Variants in EXT1 observed in about 807,000 individuals in gnomAD.
EXT1 encodes the protein exostosin glycosyltransferase 1.
Under a neutral mutation model 82.5 loss-of-function variants are expected in EXT1, and 20 were observed. The ratio of observed to expected loss-of-function variants is 0.24; its 90% CI spans 0.17 to 0.35. EXT1 has a LOEUF of 0.35. Ranked by LOEUF, EXT1 falls within the 10% of genes least tolerant of loss-of-function variation. EXT1 has a pLI of 1.00. For missense variants in EXT1, 757 were observed against 936.5 expected, an observed-to-expected ratio of 0.81 and a Z score of 2.50; for synonymous variants, 348 against 350.8, an observed-to-expected ratio of 0.99 and a Z score of 0.09.
At chr8:117,903,058 C>T (rs953827066) in intron 1 of EXT1, among the ~76,000 whole-genome samples, 3 of 152,224 alleles carry the variant, frequency 2.0e-5, no homozygotes, top group African/African-American at 7.2e-5. Context: ...CATTCATTCA[C>T]TCCATCTGTA....
At chr8:118,074,639 G>C (rs544421572) in intron 1 of EXT1, among the ~76,000 whole-genome samples, 3 of 152,144 alleles carry the variant, frequency 2.0e-5, no homozygotes, top group Admixed American at 1.3e-4. Context: ...GGGGCTTTGG[G>C]ATCCGGCCAA....
At chr8:118,054,953 T>A (rs1816772690) in intron 1 of EXT1, among the ~76,000 whole-genome samples, 1 of 117,774 alleles carries the variant, frequency 8.5e-6, no homozygotes, top group South Asian at 2.6e-4. Context: ...ACTGTATGTA[T>A]ATGTATATAT....
chr8:118,064,363 G>A (rs1816938626), intron 1 of EXT1, among the ~76,000 whole-genome samples: 1 of 151,800 alleles, frequency 6.6e-6, no homozygotes, highest in Admixed American at 6.6e-5. Context: ...GGTGTATGAT[G>A]TGCCCCTCCC....
intron 1 of EXT1, among the ~76,000 whole-genome samples, chr8:117,845,748 T>C (rs1812347479): frequency 2.6e-5 from 4 of 151,994 alleles, no homozygotes; most frequent in South Asian, 4.2e-4. Context: ...CCACCATGCC[T>C]GGCCAGATAT....
intron 1 of EXT1, among the ~76,000 whole-genome samples, chr8:117,961,997 T>G (rs1814709601): frequency 6.6e-6 from 1 of 152,150 alleles, no homozygotes; most frequent in Non-Finnish European, 1.5e-5. Context: ...ACCTCATGTA[T>G]TAATTAAGAA....
intron 1 of EXT1, among the ~76,000 whole-genome samples, chr8:117,898,874 C>G (rs1452034910): frequency 6.6e-6 from 1 of 152,014 alleles, no homozygotes; most frequent in Non-Finnish European, 1.5e-5. Context: ...GAATATGACT[C>G]CAATCAGGTC....
At chr8:117,917,860 C>T (rs1370457093) in intron 1 of EXT1, among the ~76,000 whole-genome samples, 1 of 152,110 alleles carries the variant, frequency 6.6e-6, no homozygotes, top group Non-Finnish European at 1.5e-5. Context: ...CACTGCTGAC[C>T]ACCACTCACT....
chr8:117,845,052 AATTTATATT>A (rs2129812987), intron 1 of EXT1, among the ~76,000 whole-genome samples: 1 of 152,198 alleles, frequency 6.6e-6, no homozygotes, highest in African/African-American at 2.4e-5. Context: ...CAGGGCCAGG[AATTTATATT>A]CACCCTTTCA....
chr8:118,021,150 T>C lies in EXT1; in HGVS notation c.962+88935A>G, dbSNP rs117302197. 8.9e-4 allele frequency among the ~76,000 whole-genome samples: 135 copies of C among 152,322 alleles called. 1 individual carries two copies. The East Asian group carries it at 0.016, about 18-fold the overall frequency. On this transcript the variant is annotated intron_variant, in intron 1 of 10. Coordinates refer to ENST00000378204, the MANE Select transcript of EXT1 (RefSeq NM_000127.3). Reference sequence around the variant, plus strand: ...CAAATATGAACTCTTATTTAAAAAATTTTTAAAAGAGGGAGGCTTTAATTG... The same window carrying C: ...CAAATATGAACTCTTATTTAAAAAACTTTTAAAAGAGGGAGGCTTTAATTG...
Position 117,880,600 on chromosome 8 carries a change from T to TA in EXT1, c.963-43400_963-43399insT, listed in dbSNP as rs976499744. On this transcript the variant is annotated intron_variant, in intron 1 of 10. Coordinates refer to ENST00000378204, the MANE Select transcript of EXT1 (RefSeq NM_000127.3). The stretch of plus-strand genomic sequence containing the variant: ...TATGTTTTGCCTCTTTTTTCTTTTT[T>TA]TTTTTTTTGAGACAGAGTGTTGCTC... 4.0e-5 allele frequency among the ~76,000 whole-genome samples: 6 copies of TA among 149,918 alleles called. No homozygotes were observed. The East Asian group carries it at 9.6e-4, about 24-fold the overall frequency.
intron 1 of EXT1, among the ~76,000 whole-genome samples, chr8:117,923,125 G>C (rs1353786281): frequency 3.3e-5 from 5 of 152,098 alleles, no homozygotes; most frequent in African/African-American, 1.2e-4. Context: ...AGGAGTTCGA[G>C]ACCAGCCTCG....
chr8:118,092,703 T>C (rs576560388), intron 1 of EXT1, among the ~76,000 whole-genome samples: 21 of 152,188 alleles, frequency 1.4e-4, no homozygotes, highest in Non-Finnish European at 2.5e-4. Flanking sequence ...AACTCTTAGA[T>C]TACCATCTCA....
At chr8:117,891,905 C>A (rs1372558167) in intron 1 of EXT1, among the ~76,000 whole-genome samples, 1 of 146,296 alleles carries the variant, frequency 6.8e-6, no homozygotes, top group Non-Finnish European at 1.5e-5. Flanking sequence ...CTCCCGGGTT[C>A]AAGCGATTCT....
chr8:118,096,589 C>T (rs969310883), intron 1 of EXT1, among the ~76,000 whole-genome samples: 2 of 139,442 alleles, frequency 1.4e-5, no homozygotes, highest in Non-Finnish European at 3.0e-5. Context: ...AGCAAGACTC[C>T]GTCAAGAAAG....
At chr8:117,898,682 T>C (rs958521922) in intron 1 of EXT1, among the ~76,000 whole-genome samples, 3 of 152,184 alleles carry the variant, frequency 2.0e-5, no homozygotes, top group African/African-American at 7.2e-5. Context: ...GTGACTGGCC[T>C]TGCCAGGCAG....
Position 117,952,539 on chromosome 8 carries a change from G to A in EXT1, c.963-115338C>T, listed in dbSNP as rs1398470815. Among the ~76,000 whole-genome samples the A allele has an allele frequency of 2.6e-5, 4 of 152,132 alleles. No homozygotes were observed. In the East Asian group the frequency reaches 7.7e-4, roughly 29 times the overall value. On this transcript the variant is annotated intron_variant, in intron 1 of 10. Transcript: ENST00000378204. ...TCCCAGCACTTTGGGAGGCCAAGGT[G>A]GGCAGATCACTTGAGGTCAAGAGTA... is the stretch of plus-strand genomic sequence containing the variant.
chr8:117,911,928 C>A (rs1361308493), intron 1 of EXT1, among the ~76,000 whole-genome samples: 3 of 152,148 alleles, frequency 2.0e-5, no homozygotes, highest in Non-Finnish European at 4.4e-5. Flanking sequence ...TATGAATCTT[C>A]TTTCTCACGG....
intron 1 of EXT1, among the ~76,000 whole-genome samples, chr8:118,039,517 G>A (rs867226416): frequency 1.4e-5 from 2 of 138,582 alleles, no homozygotes; most frequent in East Asian, 2.1e-4. Context: ...CCGAGATGGC[G>A]CCACTTCACT....
rs554094945 is a variant in EXT1 at position 118,091,740 on chromosome 8, A to G, written c.962+18345T>C. ...AGCCTGGGCGACAGAGCGAGACTCC[A>G]TCTCACAAAAATAAATAAATAAATA... On this transcript the variant is annotated intron_variant, in intron 1 of 10. Transcript: ENST00000378204. Among the ~76,000 whole-genome samples, 694 of 152,166 alleles carry G rather than the reference A, an allele frequency of 4.6e-3. 9 individuals carry two copies. Among genetic ancestry groups the G allele is most frequent in the South Asian group, 0.029 (140 of 4,816 alleles).
Sources: gnomAD v4.1 joint callset for allele counts (sites outside exome capture counted in the v4.1 genomes callset) on GRCh38, gnomAD v4.1.1 for gene constraint, MANE v1.5 for transcripts, NCBI Gene and HGNC (gene_info 2026-07-23, HGNC 2026-07-21) for gene names.